Variants in ESRRG observed in about 807,000 individuals in gnomAD.
ESRRG encodes estrogen related receptor gamma.
ESRRG carries 13 observed loss-of-function variants against 44.0 expected under a neutral mutation model. The observed-to-expected ratio is 0.30, with a 90% confidence interval of 0.19 to 0.47. The LOEUF is 0.47. Ranked by LOEUF, ESRRG falls within the 20% of genes least tolerant of loss-of-function variation. The pLI, the probability that ESRRG is intolerant of heterozygous loss-of-function variation, is 1.00. For synonymous variants in ESRRG, 215 were observed against 214.6 expected (o/e 1.00, Z -0.02); for missense variants, 395 against 580.6 (o/e 0.68, Z 3.29).
At chr1:217,123,347 A>G (rs1301760663) in intron 1 of ESRRG, among the ~76,000 whole-genome samples, 1 of 151,922 alleles carries the variant, frequency 6.6e-6, no homozygotes, top group East Asian at 1.9e-4. Context: ...TAGGCCTTCA[A>G]TTTTCCCATT....
chr1:217,063,473 G>A (rs941666064), intron 1 of ESRRG, among the ~76,000 whole-genome samples: 5 of 152,104 alleles, frequency 3.3e-5, no homozygotes, highest in African/African-American at 1.2e-4. Flanking sequence ...TAACAATCTC[G>A]TGACCTTTAG....
At chr1:216,800,645 CTTT>C (rs947200260) in intron 2 of ESRRG, among the ~76,000 whole-genome samples, 4 of 152,130 alleles carry the variant, frequency 2.6e-5, no homozygotes, top group African/African-American at 9.7e-5. Flanking sequence ...CCAGAAGCTT[CTTT>C]GAGGATCTGA....
At chr1:216,952,776 A>T (rs2067195602) in intron 1 of ESRRG, among the ~76,000 whole-genome samples, 1 of 152,148 alleles carries the variant, frequency 6.6e-6, no homozygotes, top group African/African-American at 2.4e-5. Context: ...CAATAATTTT[A>T]AACTTCTTGC....
chr1:216,818,780 C>T (rs573481227), intron 2 of ESRRG, among the ~76,000 whole-genome samples: 24 of 152,014 alleles, frequency 1.6e-4, no homozygotes, highest in Admixed American at 1.1e-3. Context: ...TTCCACCTAC[C>T]GCAGCCCCCA....
At position 216,647,531 on chromosome 1, in the gene ESRRG, G is replaced by A. The variant is rs752532197; in HGVS notation, c.589+3442C>T. Among the ~76,000 whole-genome samples the A allele has an allele frequency of 5.9e-5, 9 of 152,138 alleles. No homozygotes were observed. In the South Asian group the frequency reaches 1.7e-3, roughly 28 times the overall value. The stretch of plus-strand genomic sequence containing the variant: ...TTCTAACATTAAAATCAAATGTAGT[G>A]TATTCAAGTATAATTCCATTGCTTG... On this transcript the variant is annotated intron_variant, in intron 3 of 6. Coordinates refer to ENST00000408911, the MANE Select transcript of ESRRG (RefSeq NM_001438.4).
intron 2 of ESRRG, among the ~76,000 whole-genome samples, chr1:216,831,249 G>A (rs373079234): frequency 1.3e-5 from 2 of 152,084 alleles, no homozygotes; most frequent in Non-Finnish European, 2.9e-5. Context: ...TATTAGCACC[G>A]ATCAACTGTT....
chr1:216,770,431 A>G (rs539909666), intron 2 of ESRRG, among the ~76,000 whole-genome samples: 1 of 152,248 alleles, frequency 6.6e-6, no homozygotes, highest in Non-Finnish European at 1.5e-5. Context: ...CTTCACCAGT[A>G]CATATTTCCA....
intron 3 of ESRRG, among the ~76,000 whole-genome samples, chr1:216,607,322 C>T (rs976567050): frequency 6.6e-6 from 1 of 152,198 alleles, no homozygotes; most frequent in African/African-American, 2.4e-5. Flanking sequence ...ATCATGACCT[C>T]TCTGTCACTT....
At chr1:216,579,136 C>T (rs2062237426) in intron 3 of ESRRG, among the ~76,000 whole-genome samples, 1 of 152,040 alleles carries the variant, frequency 6.6e-6, no homozygotes, top group South Asian at 2.1e-4. Context: ...TTCAGAATCT[C>T]AATTCTATCT....
chr1:216,938,529 A>G (rs1412718454), intron 2 of ESRRG, among the ~76,000 whole-genome samples: 2 of 152,170 alleles, frequency 1.3e-5, no homozygotes, highest in African/African-American at 4.8e-5. Context: ...ATTACTCTCA[A>G]TTTGCAAATT....
intron 2 of ESRRG, among the ~76,000 whole-genome samples, chr1:216,885,886 G>A (rs1406800358): frequency 2.6e-5 from 4 of 150,968 alleles, no homozygotes; most frequent in East Asian, 3.9e-4. Flanking sequence ...CCTTCCACTC[G>A]TTCAACCACT....
chr1:217,029,466 T>C (rs1457834214), intron 1 of ESRRG, among the ~76,000 whole-genome samples: 5 of 152,196 alleles, frequency 3.3e-5, no homozygotes, highest in Non-Finnish European at 1.5e-5. Context: ...GACACTGAAC[T>C]GCTTCCAAAT....
chr1:216,630,810 T>A (rs1198278855), intron 3 of ESRRG, among the ~76,000 whole-genome samples: 1 of 152,078 alleles, frequency 6.6e-6, no homozygotes, highest in East Asian at 1.9e-4. Flanking sequence ...GTTTTGTGAG[T>A]GTGACGTCCA....
intron 5 of ESRRG, 109 bp downstream of exon 5, chr1:216,564,110 G>C (rs1452596461): frequency 5.5e-6 from 3 of 550,192 alleles, no homozygotes; most frequent in Non-Finnish European, 9.3e-6. Context: ...AAATGTAAAG[G>C]GTTTTTTTAA....
chr1:216,553,789 A>G (rs970218959), intron 5 of ESRRG, among the ~76,000 whole-genome samples: 3 of 152,302 alleles, frequency 2.0e-5, no homozygotes, highest in African/African-American at 4.8e-5. Flanking sequence ...CATACCTTGT[A>G]TATCATTCCT....
At chr1:216,540,649 C>T (rs938645453) in intron 5 of ESRRG, among the ~76,000 whole-genome samples, 6 of 151,950 alleles carry the variant, frequency 3.9e-5, no homozygotes, top group South Asian at 2.1e-4. Context: ...GTGCTACATG[C>T]TAATTTCTGT....
chr1:216,825,673 G>A (rs144651903), intron 2 of ESRRG, among the ~76,000 whole-genome samples: 80 of 152,308 alleles, frequency 5.3e-4, no homozygotes, highest in Middle Eastern at 3.4e-3. Context: ...AGTGTATGTA[G>A]TGGTAAGCTG....
intron 2 of ESRRG, among the ~76,000 whole-genome samples, chr1:216,749,962 C>G (rs1250765428): frequency 6.6e-6 from 1 of 152,118 alleles, no homozygotes; most frequent in Admixed American, 6.6e-5. Flanking sequence ...TGTTAATAAA[C>G]TCAAATAGCT....
At chr1:216,907,848 C>G (rs2059858338) in intron 2 of ESRRG, among the ~76,000 whole-genome samples, 1 of 152,170 alleles carries the variant, frequency 6.6e-6, no homozygotes, top group Non-Finnish European at 1.5e-5. Context: ...AAGCCAGGCA[C>G]AAAGAATCGA....
Sources: gnomAD v4.1 joint callset for allele counts (sites outside exome capture counted in the v4.1 genomes callset) on GRCh38, gnomAD v4.1.1 for gene constraint, MANE v1.5 for transcripts, NCBI Gene and HGNC (gene_info 2026-07-23, HGNC 2026-07-21) for gene names.